Variants in IPO7 observed in about 807,000 individuals in gnomAD.
IPO7 encodes the protein importin 7.
A neutral mutation model predicts 136.4 loss-of-function variants in IPO7; 13 were observed. The ratio of observed to expected loss-of-function variants is 0.10; its 90% CI spans 0.06 to 0.15. IPO7 has a LOEUF of 0.15. Ranked by LOEUF, IPO7 falls within the 10% of genes least tolerant of loss-of-function variation. IPO7 has a pLI of 1.00. For synonymous variants in IPO7, 403 were observed against 404.4 expected (o/e 1.00, Z 0.04); for missense variants, 857 against 1,240.6 (o/e 0.69, Z 4.65).
At chr11:9,402,669 C>T in intron 1 of IPO7, 1 of 152,806 alleles carries the variant, frequency 6.5e-6, no homozygotes, top group Non-Finnish European at 1.5e-5. Context: ...ACCAGCCTGG[C>T]CAATACAGTG....
chr11:9,428,222 A>G (rs1182605911), intron 12 of IPO7, among the ~76,000 whole-genome samples: 1 of 152,214 alleles, frequency 6.6e-6, no homozygotes, highest in African/African-American at 2.4e-5. Context: ...CAGAAACTTT[A>G]TCAGACAAGT....
Position 9,408,638 on chromosome 11 carries a change from A to T in IPO7, c.319A>T (p.Arg107Trp). ...EAIIHSPELI[R>W]VQLTTCIHHI... Reference sequence around the variant, plus strand: ...CATTATCCATTCTCCTGAGCTCATCAGGTATGTATTTTTAAAATTTACCCA... The same window carrying T: ...CATTATCCATTCTCCTGAGCTCATCTGGTATGTATTTTTAAAATTTACCCA... The change falls in exon 3 of 25, where the codon AGG becomes TGG. Residue 107 changes from arginine to tryptophan, a missense_variant and splice_region_variant. Arg to Trp is a moderately radical substitution (Grantham distance 101). Around this residue, in one of 11 missense-constraint regions of IPO7, gnomAD observed 287 missense variants for 307.5 expected, o/e 0.93. Transcript: ENST00000379719. The T allele has an allele frequency of 1.3e-6, 2 of 1,537,224 alleles. No homozygotes were observed. Among genetic ancestry groups the T allele is most frequent in the South Asian group, 2.5e-5 (2 of 80,792 alleles).
intron 3 of IPO7, among the ~76,000 whole-genome samples, 157 bp downstream of exon 3, chr11:9,408,796 C>T (rs1422530865): frequency 6.7e-6 from 1 of 148,680 alleles, no homozygotes; most frequent in Admixed American, 6.8e-5. Context: ...ACTGCAGCCT[C>T]CGCCTCCCAG....
intron 24 of IPO7, among the ~76,000 whole-genome samples, chr11:9,442,692 C>T (rs1357277879): frequency 1.3e-5 from 2 of 151,950 alleles, no homozygotes; most frequent in African/African-American, 4.8e-5. Context: ...AGATTACAGG[C>T]GTGAGCCACC....
At chr11:9,388,549 G>A (rs1199426956) in intron 1 of IPO7, among the ~76,000 whole-genome samples, 1 of 150,564 alleles carries the variant, frequency 6.6e-6, no homozygotes, top group Non-Finnish European at 1.5e-5. Context: ...CACCATCATG[G>A]CTCACTGCAG....
intron 7 of IPO7, 24 bp from the exon 8 acceptor site, chr11:9,420,590 A>G (rs1200676337): frequency 5.0e-6 from 8 of 1,585,526 alleles, no homozygotes; most frequent in Admixed American, 3.3e-5. Context: ...TAAAGAAACA[A>G]TGGGCATTTT....
chr11:9,414,547 A>G lies in IPO7; in HGVS notation c.636+136A>G, dbSNP rs1044751140. 344 of 544,854 alleles carry G rather than the reference A, an allele frequency of 6.3e-4. 3 individuals are homozygous for G. Among genetic ancestry groups the G allele is most frequent in the Non-Finnish European group, 2.4e-4 (79 of 328,730 alleles). The allele number at this position is 544,854 out of a possible 1,614,324, so 33.8% of individuals were successfully genotyped here. On this transcript the variant is annotated intron_variant, in intron 5 of 24. Coordinates refer to ENST00000379719, the MANE Select transcript of IPO7 (RefSeq NM_006391.3). ...ATTAAGTGGATGATTTTCTAGCAAA[A>G]TAGAAATTGCAAAAATTATAAGTCT...
intron 10 of IPO7, 63 bp downstream of exon 10, chr11:9,423,939 T>G (rs2133751061): frequency 1.1e-6 from 1 of 932,718 alleles, no homozygotes; most frequent in African/African-American, 1.6e-5. Context: ...AGTGATTGCA[T>G]GTAGCCAACC....
intron 3 of IPO7, 64 bp downstream of exon 3, chr11:9,408,703 G>GT (rs1782949167): frequency 2.0e-4 from 81 of 411,318 alleles, no homozygotes; most frequent in Middle Eastern, 7.9e-4. Flanking sequence ...TTTGTTTTTT[G>GT]GTTTTTTTTT....
In IPO7 at chr11:9,384,668, C is replaced by T. The variant is rs922877730; in HGVS notation, c.-96C>T. 10 of 1,054,972 alleles carry T rather than the reference C, an allele frequency of 9.5e-6. No homozygotes were observed. Among genetic ancestry groups the T allele is most frequent in the Admixed American group, 2.6e-5 (1 of 38,966 alleles). The allele number at this position is 1,054,972 out of a possible 1,614,324, so 65.4% of individuals were successfully genotyped here. The stretch of plus-strand genomic sequence containing the variant: ...CTTCTCTTTCCTTTCGCGCCGGTTG[C>T]CGCTGCGGAGCGCGGCGGGTCCATG... On this transcript the variant is annotated 5_prime_UTR_variant, in exon 1 of 25. Coordinates refer to ENST00000379719, the MANE Select transcript of IPO7 (RefSeq NM_006391.3).
intron 4 of IPO7, among the ~76,000 whole-genome samples, chr11:9,412,181 A>C (rs747544707): frequency 5.3e-5 from 8 of 152,208 alleles, no homozygotes; most frequent in Non-Finnish European, 1.2e-4. Flanking sequence ...AGATAGTGTT[A>C]ATAGCTTTAG....
chr11:9,438,979 GATTATAGTTCC>G lies in IPO7; in HGVS notation c.2695+695_2695+705del, dbSNP rs1475262123. On this transcript the variant is annotated intron_variant, in intron 22 of 24. Transcript: ENST00000379719. ...GTGCTGAGTCCACTTAAGAGCGAGAGATTATAGTTCCCTTTTTTATATGGTGGCATGAGCCT... is the reference window on the plus strand; with the variant it reads ...GTGCTGAGTCCACTTAAGAGCGAGAGCTTTTTTATATGGTGGCATGAGCCT... Among the ~76,000 whole-genome samples, 11 of 152,284 alleles carry G rather than the reference GATTATAGTTCC, an allele frequency of 7.2e-5. No homozygotes were observed. The East Asian group carries it at 2.1e-3, about 29-fold the overall frequency.
Position 9,420,502 on chromosome 11 carries a change from A to C in IPO7, c.818A>C (p.Glu273Ala). ...WALHILARLF[E>A]RYGSPGNVSK... ...TTACATATTTTAGCAAGACTTTTTG[A>C]AAGGTAATCTCATCCATATATGGTG... The change falls in exon 7 of 25, where the codon GAA (glutamate) becomes GCA (alanine). Residue 273 changes from glutamate to alanine, a missense_variant. This residue lies in a region of IPO7 where 287 missense variants were observed against 307.5 expected (regional missense o/e 0.93). Coordinates refer to ENST00000379719, the MANE Select transcript of IPO7 (RefSeq NM_006391.3). The C allele has an allele frequency of 6.2e-7, 1 of 1,605,802 alleles. No homozygotes were observed. The highest frequency in any genetic ancestry group is 1.3e-5 in the African/African-American group (1 of 74,906).
chr11:9,420,965 T>C lies in IPO7; in HGVS notation c.906+267T>C, dbSNP rs114216110. Among the ~76,000 whole-genome samples the C allele has an allele frequency of 6.0e-3, 907 of 152,284 alleles. 18 individuals carry two copies. Among genetic ancestry groups the C allele is most frequent in the African/African-American group, 0.021 (864 of 41,574 alleles). On this transcript the variant is annotated intron_variant, in intron 8 of 24. Coordinates refer to ENST00000379719, the MANE Select transcript of IPO7 (RefSeq NM_006391.3). ...TTAAAATATAATAACAGGCCTATTATATGTTAAGACAATAATTTTTTTTTC... is the reference window on the plus strand; with the variant it reads ...TTAAAATATAATAACAGGCCTATTACATGTTAAGACAATAATTTTTTTTTC...
At chr11:9,406,180 A>G (rs1355323518) in intron 2 of IPO7, among the ~76,000 whole-genome samples, 1 of 129,334 alleles carries the variant, frequency 7.7e-6, no homozygotes, top group Non-Finnish European at 1.5e-5. Flanking sequence ...TTCGGCTTCC[A>G]AAGTATTGAG....
intron 1 of IPO7, among the ~76,000 whole-genome samples, chr11:9,393,741 T>C (rs1352530781): frequency 6.6e-6 from 1 of 152,118 alleles, no homozygotes; most frequent in Non-Finnish European, 1.5e-5. Flanking sequence ...ATGAATTACT[T>C]TTGAAAATGA....
At chr11:9,434,853 T>A in intron 18 of IPO7, 81 bp from the exon 19 acceptor site, 1 of 987,878 alleles carries the variant, frequency 1.0e-6, no homozygotes, top group Non-Finnish European at 1.6e-6. Flanking sequence ...TAGATTTGCC[T>A]TTTTCTAAGG....
intron 5 of IPO7, 52 bp from the exon 6 acceptor site, chr11:9,417,007 A>G (rs939042361): frequency 5.9e-6 from 5 of 846,266 alleles, no homozygotes; most frequent in South Asian, 1.5e-5. Flanking sequence ...AAAAAGAAGT[A>G]GGATTTTCTT....
intron 20 of IPO7, among the ~76,000 whole-genome samples, chr11:9,437,314 G>T (rs1410287489): frequency 7.6e-6 from 1 of 131,338 alleles, no homozygotes; most frequent in African/African-American, 2.5e-5. Flanking sequence ...CTGGAGTGCA[G>T]TGGCGCGATC....
Sources: gnomAD v4.1 joint callset for allele counts (sites outside exome capture counted in the v4.1 genomes callset) on GRCh38, gnomAD v4.1.1 for gene constraint, gnomAD v4.1.1 regional missense constraint, MANE v1.5 for transcripts, NCBI Gene and HGNC (gene_info 2026-07-23, HGNC 2026-07-21) for gene names.